The following P2RY6 variants were observed in gnomAD, a reference collection of about 807,000 sequenced individuals.
P2RY6 encodes the protein P2Y purinoceptor 6.
A neutral mutation model predicts 16.3 loss-of-function variants in P2RY6; 19 were observed. The observed-to-expected ratio is 1.16, with a 90% CI of 0.81 to 1.71. P2RY6 has a LOEUF of 1.71. Among genes scored for constraint, P2RY6 ranks in the 40% most tolerant of loss-of-function variants. The probability of loss-of-function intolerance (pLI) is 0.00; values close to 1 mark genes in which losing one functional copy is unlikely to be tolerated. For missense variants in P2RY6, 389 were observed against 455.5 expected, an observed-to-expected ratio of 0.85 and a Z score of 1.33; for synonymous variants, 184 against 201.5, an observed-to-expected ratio of 0.91 and a Z score of 0.74.
At chr11:73,287,532 A>G (rs535338297) in intron 1 of P2RY6, among the ~76,000 whole-genome samples, 17 of 152,340 alleles carry the variant, frequency 1.1e-4, no homozygotes, top group Non-Finnish European at 2.1e-4. Context: ...GGAAGAAGCT[A>G]CAGAGGGGCT....
In P2RY6 at chr11:73,283,637, G is replaced by A. The variant is rs189144370; in HGVS notation, c.-121+11171G>A. ...GTTGCTGGCTCCTTGGTTCCATCTTGCCAGCCTCACCCAGAAGACAGAGTG... is the reference window on the plus strand; with the variant it reads ...GTTGCTGGCTCCTTGGTTCCATCTTACCAGCCTCACCCAGAAGACAGAGTG... On this transcript the variant is annotated intron_variant, in intron 1 of 2. Transcript: ENST00000540124. 5.3e-5 allele frequency among the ~76,000 whole-genome samples: 8 copies of A among 152,302 alleles called. No individual in the cohort carries two copies. The East Asian group carries it at 1.5e-3, about 29-fold the overall frequency.
rs1239363953 is a variant in P2RY6 at position 73,295,833 on chromosome 11, A to G, written c.-35+18A>G. The G allele has an allele frequency of 4.1e-5, 40 of 965,058 alleles. No individual in the cohort carries two copies. The highest frequency in any genetic ancestry group is 1.1e-4 in the East Asian group (1 of 8,708). 59.8% of individuals were successfully genotyped at this position (965,058 alleles called of 1,614,324 possible). On this transcript the variant is annotated intron_variant, in intron 2 of 2. Coordinates refer to ENST00000540124, the MANE Select transcript of P2RY6 (RefSeq NM_001277204.2). ...AGCCCCTGGTGTGTGGACCCTTCGC[A>G]TTGGTTAACTAAGAGTTATCAGGGC...
intron 1 of P2RY6, among the ~76,000 whole-genome samples, chr11:73,275,854 G>C (rs1418529729): frequency 6.6e-6 from 1 of 152,208 alleles, no homozygotes; most frequent in Non-Finnish European, 1.5e-5. Flanking sequence ...TTTGTGCCAG[G>C]CCCACTCAGG....
chr11:73,288,562 C>T (rs1477527034), intron 1 of P2RY6, among the ~76,000 whole-genome samples: 1 of 152,218 alleles, frequency 6.6e-6, no homozygotes, highest in Non-Finnish European at 1.5e-5. Context: ...GAGGACTCTG[C>T]TTCCGGCCCT....
At chr11:73,265,584 C>T (rs1317562857) in intron 1 of P2RY6, 4 of 62,142 alleles carry the variant, frequency 6.4e-5, no homozygotes, top group Admixed American at 2.3e-4. Context: ...TGCTGCAGGG[C>T]GGGGTGGGGG....
At chr11:73,292,648 C>T (rs1427818550) in intron 1 of P2RY6, 4 of 216,462 alleles carry the variant, frequency 1.8e-5, no homozygotes, top group Admixed American at 1.3e-4. Flanking sequence ...GGGAGTATTC[C>T]GGGAAGGACG....
chr11:73,269,678 G>T (rs1256261204), upstream of P2RY6, among the ~76,000 whole-genome samples: 5 of 152,200 alleles, frequency 3.3e-5, no homozygotes, highest in Admixed American at 6.5e-5. Flanking sequence ...GTGAATGCAT[G>T]CGCATCTTCC....
intron 1 of P2RY6, among the ~76,000 whole-genome samples, chr11:73,275,095 G>C (rs531127746): frequency 2.4e-4 from 36 of 152,218 alleles, no homozygotes; most frequent in Admixed American, 5.9e-4. Flanking sequence ...GATGGCGTAG[G>C]CTGGGTCAGT....
At position 73,296,945 on chromosome 11, in the gene P2RY6, G is replaced by A. The variant is rs1255553705; in HGVS notation, c.427G>A (p.Ala143Thr). ...APWHKRGGRR[A>T]AWLVCVAVWL... ...CTGGCACAAACGTGGGGGCCGCCGG[G>A]CTGCCTGGCTAGTGTGTGTAGCCGT... Residue 143 changes from alanine to threonine, a missense_variant, in exon 3 of 3, where the codon GCT becomes ACT. Physicochemically the swap from Ala to Thr is moderately conservative, Grantham distance 58. Coordinates refer to ENST00000540124, the MANE Select transcript of P2RY6 (RefSeq NM_001277204.2). 3.7e-6 allele frequency: 6 copies of A among 1,605,544 alleles called. No individual in the cohort carries two copies. The highest frequency in any genetic ancestry group is 1.7e-4 in the Middle Eastern group (1 of 6,060).
intron 1 of P2RY6, among the ~76,000 whole-genome samples, chr11:73,285,506 A>G (rs1863934931): frequency 6.6e-6 from 1 of 152,150 alleles, no homozygotes; most frequent in South Asian, 2.1e-4. Context: ...GGACACCCAC[A>G]AAGTCCTCTT....
intron 1 of P2RY6, among the ~76,000 whole-genome samples, chr11:73,276,778 T>C (rs1441876524): frequency 6.6e-6 from 1 of 152,228 alleles, no homozygotes; most frequent in Non-Finnish European, 1.5e-5. Flanking sequence ...GTTCTGAAAT[T>C]GGATAGTGAC....
intron 1 of P2RY6, 21 bp downstream of exon 1, chr11:73,272,487 C>A (rs1565160962): frequency 2.0e-6 from 2 of 985,404 alleles, no homozygotes; most frequent in Non-Finnish European, 2.4e-6. Flanking sequence ...TGGGTCCATG[C>A]CTGGAAGGGC....
At chr11:73,290,856 G>A (rs1043925844) in intron 1 of P2RY6, among the ~76,000 whole-genome samples, 33 of 152,344 alleles carry the variant, frequency 2.2e-4, no homozygotes, top group African/African-American at 7.9e-4. Context: ...GTGAGAGCAA[G>A]GCAGTTCCTT....
intron 1 of P2RY6, among the ~76,000 whole-genome samples, chr11:73,286,010 G>A (rs1171391736): frequency 6.6e-6 from 1 of 152,242 alleles, no homozygotes; most frequent in Non-Finnish European, 1.5e-5. Context: ...GCTTTCTCAA[G>A]GTGGAATGCA....
intron 1 of P2RY6, among the ~76,000 whole-genome samples, chr11:73,280,851 C>T (rs1222717987): frequency 6.6e-6 from 1 of 152,096 alleles, no homozygotes; most frequent in Non-Finnish European, 1.5e-5. Context: ...ACTGGGTTTG[C>T]CTTTATCCTC....
chr11:73,277,104 T>A (rs1299637216), intron 1 of P2RY6, among the ~76,000 whole-genome samples: 1 of 149,776 alleles, frequency 6.7e-6, no homozygotes, highest in African/African-American at 2.5e-5. Context: ...CATCATAATG[T>A]CAGAAATACA....
chr11:73,292,376 G>A (rs192846050), intron 1 of P2RY6, among the ~76,000 whole-genome samples: 1 of 152,350 alleles, frequency 6.6e-6, no homozygotes, highest in Non-Finnish European at 1.5e-5. Flanking sequence ...ATGTTGGTGA[G>A]TGAGCTATTG....
chr11:73,273,168 T>C (rs1450236417), intron 1 of P2RY6, among the ~76,000 whole-genome samples: 1 of 151,452 alleles, frequency 6.6e-6, no homozygotes, highest in African/African-American at 2.4e-5. Context: ...GAGAGCTGGG[T>C]TAAAACTTTT....
At chr11:73,274,903 G>T (rs1458037107) in intron 1 of P2RY6, among the ~76,000 whole-genome samples, 1 of 152,256 alleles carries the variant, frequency 6.6e-6, no homozygotes, top group Non-Finnish European at 1.5e-5. Flanking sequence ...TTCAGGCTGG[G>T]GTGGGGATCC....
Sources: allele counts gnomAD v4.1 joint callset (sites outside exome capture counted in the v4.1 genomes callset), GRCh38; gene constraint gnomAD v4.1.1; transcripts MANE v1.5; gene names NCBI Gene and HGNC (gene_info 2026-07-23, HGNC 2026-07-21).